PLPP3: variants seen among roughly 807,000 people sequenced by gnomAD.
The protein encoded by PLPP3 is phospholipid phosphatase 3, also known as PAP2 beta.
PLPP3 carries 6 observed loss-of-function variants against 29.6 expected under a neutral mutation model. That is an observed-to-expected ratio of 0.20 (90% CI 0.11 to 0.40). PLPP3 has a LOEUF of 0.40. Among genes scored for constraint, PLPP3 ranks in the 10% least tolerant of loss-of-function variants. The pLI, the probability that PLPP3 is intolerant of heterozygous loss-of-function variation, is 1.00. For synonymous variants in PLPP3, 152 were observed against 159.7 expected, an observed-to-expected ratio of 0.95 and a Z score of 0.36; for missense variants, 308 against 407.7, an observed-to-expected ratio of 0.76 and a Z score of 2.11.
At chr1:56,556,965 A>AG (rs1279273246) in intron 1 of PLPP3, among the ~76,000 whole-genome samples, 147 of 3,404 alleles carry the variant, frequency 0.043, 4 homozygotes, top group Middle Eastern at 0.1. Flanking sequence ...AAAGAAAGAA[A>AG]GAAAGAAAGA....
chr1:56,523,331 G>T (rs1354550973), intron 4 of PLPP3, among the ~76,000 whole-genome samples: 1 of 152,176 alleles, frequency 6.6e-6, no homozygotes, highest in African/African-American at 2.4e-5. Flanking sequence ...CAGTCCTGCT[G>T]TTACGTACAT....
intron 1 of PLPP3, among the ~76,000 whole-genome samples, chr1:56,543,751 G>T (rs2100274238): frequency 6.6e-6 from 1 of 152,306 alleles, no homozygotes; most frequent in African/African-American, 2.4e-5. Flanking sequence ...CTGTTGGCTG[G>T]TGTGAACACG....
chr1:56,525,235 G>C (rs1645845182), intron 2 of PLPP3, among the ~76,000 whole-genome samples: 1 of 152,212 alleles, frequency 6.6e-6, no homozygotes, highest in South Asian at 2.1e-4. Context: ...CACAGAAAGT[G>C]ATGCTTTTAC....
intron 1 of PLPP3, among the ~76,000 whole-genome samples, chr1:56,571,222 G>T (rs957380088): frequency 6.6e-6 from 1 of 152,184 alleles, no homozygotes; most frequent in Non-Finnish European, 1.5e-5. Context: ...TGTGAACCAA[G>T]GGCATTGACT....
chr1:56,556,316 G>C (rs1275994568), intron 1 of PLPP3, among the ~76,000 whole-genome samples: 1 of 152,122 alleles, frequency 6.6e-6, no homozygotes, highest in Non-Finnish European at 1.5e-5. Context: ...ATAGAGAGGT[G>C]AGATTACACA....
chr1:56,543,653 G>A (rs1250484596), intron 1 of PLPP3, among the ~76,000 whole-genome samples: 1 of 152,186 alleles, frequency 6.6e-6, no homozygotes, highest in South Asian at 2.1e-4. Flanking sequence ...CAGATTTTTA[G>A]ACTGGACACA....
At chr1:56,564,790 G>A (rs1646150875) in intron 1 of PLPP3, among the ~76,000 whole-genome samples, 1 of 152,172 alleles carries the variant, frequency 6.6e-6, no homozygotes. Context: ...ACAAAGGTGA[G>A]TGCAGCCCAA....
chr1:56,559,778 C>T (rs1415614522), intron 1 of PLPP3, among the ~76,000 whole-genome samples: 1 of 152,024 alleles, frequency 6.6e-6, no homozygotes, highest in Non-Finnish European at 1.5e-5. Context: ...ACTCATTTTC[C>T]AAGACAGTTA....
In PLPP3 at chr1:56,518,715, T is replaced by TTATATATATATATATATATATATATA. The variant is rs145573744; in HGVS notation, c.633+5107_633+5108insTATATATATATATATATATATATATA. On this transcript the variant is annotated intron_variant, in intron 4 of 5. Transcript: ENST00000371250. Reference sequence around the variant, plus strand: ...GGAATTTACAGCCTTTTTTAATCATTTATATATATATATATATATAGACAG... The same window carrying TTATATATATATATATATATATATATA: ...GGAATTTACAGCCTTTTTTAATCATTTATATATATATATATATATATATATATATATATATATATATATATAGACAG... Among the ~76,000 whole-genome samples the TTATATATATATATATATATATATATA allele has an allele frequency of 6.6e-4, 84 of 126,656 alleles. 2 individuals are homozygous for TTATATATATATATATATATATATATA. Among genetic ancestry groups the TTATATATATATATATATATATATATA allele is most frequent in the African/African-American group, 1.2e-3 (42 of 35,802 alleles). 83.1% of individuals were successfully genotyped at this position (126,656 alleles called of 152,430 possible).
rs115024672 is a variant in PLPP3, at chr1:56,526,883, T to A, written c.298-2329A>T. ...CAGGGAGCAGAACCAAGGCCCCAGATAAAATCCCTGACCTCAGATTGCTCT... is the reference window on the plus strand; with the variant it reads ...CAGGGAGCAGAACCAAGGCCCCAGAAAAAATCCCTGACCTCAGATTGCTCT... On this transcript the variant is annotated intron_variant, in intron 2 of 5. Coordinates refer to ENST00000371250, the MANE Select transcript of PLPP3 (RefSeq NM_003713.5). 3.4e-3 allele frequency among the ~76,000 whole-genome samples: 512 copies of A among 152,290 alleles called. 1 individual carries two copies. The highest frequency in any genetic ancestry group is 0.012 in the African/African-American group (490 of 41,570).
chr1:56,502,122 G>C (rs1046776011), intron 5 of PLPP3, among the ~76,000 whole-genome samples: 1 of 152,176 alleles, frequency 6.6e-6, no homozygotes, highest in East Asian at 1.9e-4. Context: ...AGGTAGCCAG[G>C]TTCCTCCTTT....
chr1:56,540,279 C>CTTAAT (rs1645959228), intron 1 of PLPP3, among the ~76,000 whole-genome samples: 2 of 152,084 alleles, frequency 1.3e-5, no homozygotes, highest in African/African-American at 4.8e-5. Flanking sequence ...TTACAAGGAA[C>CTTAAT]ACAAAGATGA....
At chr1:56,523,583 T>C (rs1440840653) in intron 4 of PLPP3, among the ~76,000 whole-genome samples, 4 of 152,234 alleles carry the variant, frequency 2.6e-5, no homozygotes, top group Non-Finnish European at 5.9e-5. Flanking sequence ...TCCACAATGC[T>C]TATCAAGCAG....
intron 1 of PLPP3, among the ~76,000 whole-genome samples, chr1:56,552,576 T>G (rs1404424917): frequency 3.9e-5 from 6 of 152,192 alleles, no homozygotes; most frequent in Non-Finnish European, 2.9e-5. Flanking sequence ...AAACAGGGTT[T>G]CTGCCCTCAG....
chr1:56,520,062 T>A (rs1645808575), intron 4 of PLPP3, among the ~76,000 whole-genome samples: 1 of 152,132 alleles, frequency 6.6e-6, no homozygotes. Context: ...AGTTCAAACT[T>A]TTTTCAAATA....
intron 2 of PLPP3, among the ~76,000 whole-genome samples, chr1:56,536,124 T>C (rs1458871716): frequency 6.6e-6 from 1 of 152,174 alleles, no homozygotes; most frequent in Non-Finnish European, 1.5e-5. Flanking sequence ...CACTCTTGGG[T>C]ATAGCGGGCT....
At chr1:56,530,604 G>A (rs1557504949) in intron 2 of PLPP3, among the ~76,000 whole-genome samples, 1 of 148,020 alleles carries the variant, frequency 6.8e-6, no homozygotes, top group East Asian at 1.9e-4. Context: ...CTTTTGCAAG[G>A]TCTTTTGCAT....
chr1:56,551,874 T>G lies in PLPP3; in HGVS notation c.140-14762A>C, dbSNP rs546728936. ...CTCAGCCACTGGGTTTTTCTGTGTG[T>G]GGTTTATAATAACATGCAAACCTGA... On this transcript the variant is annotated intron_variant, in intron 1 of 5. Coordinates refer to ENST00000371250, the MANE Select transcript of PLPP3 (RefSeq NM_003713.5). Among the ~76,000 whole-genome samples the G allele has an allele frequency of 1.4e-4, 22 of 152,318 alleles. No homozygotes were observed. In the East Asian group the frequency reaches 3.9e-3, roughly 27 times the overall value.
In PLPP3 at chr1:56,525,437, C is replaced by T. The variant is rs1480921758; in HGVS notation, c.298-883G>A. Among the ~76,000 whole-genome samples the T allele has an allele frequency of 2.0e-5, 3 of 152,302 alleles. No individual in the cohort carries two copies. The East Asian group carries it at 5.8e-4, about 29-fold the overall frequency. On this transcript the variant is annotated intron_variant, in intron 2 of 5. Coordinates refer to ENST00000371250, the MANE Select transcript of PLPP3 (RefSeq NM_003713.5). ...TATGATGCTTAGAGGAGATTTATCA[C>T]TACTGAAAATAATCCACCAATTACT...
Sources: allele counts gnomAD v4.1 joint callset (sites outside exome capture counted in the v4.1 genomes callset), GRCh38; gene constraint gnomAD v4.1.1; transcripts MANE v1.5; gene names NCBI Gene and HGNC (gene_info 2026-07-23, HGNC 2026-07-21).